Variants in RPS6KC1 observed in about 807,000 individuals in gnomAD.
The protein encoded by RPS6KC1 is inactive ribosomal protein S6 kinase delta-1.
RPS6KC1 carries 54 observed loss-of-function variants against 103.8 expected under a neutral mutation model. That is an observed-to-expected ratio of 0.52 (90% CI 0.42 to 0.65). The LOEUF is 0.65. Ranked by LOEUF, RPS6KC1 falls within the 30% of genes least tolerant of loss-of-function variation. The probability of loss-of-function intolerance (pLI) is 0.00; values close to 1 mark genes in which losing one functional copy is unlikely to be tolerated. For synonymous variants in RPS6KC1, 439 were observed against 438.7 expected, an observed-to-expected ratio of 1.00 and a Z score of -0.01; for missense variants, 1,151 against 1,253.8, an observed-to-expected ratio of 0.92 and a Z score of 1.24.
At chr1:213,836,894 A>G in the RPS6KC1 span, among the ~76,000 whole-genome samples, 1 of 152,332 alleles carries the variant, frequency 6.6e-6, no homozygotes, top group East Asian at 1.9e-4. Flanking sequence ...AACCCCAATC[A>G]GCAACCTCTT....
At chr1:213,064,246 G>A (rs1321638441) in intron 1 of RPS6KC1, among the ~76,000 whole-genome samples, 4 of 152,074 alleles carry the variant, frequency 2.6e-5, no homozygotes, top group Admixed American at 6.6e-5. Context: ...TGGTAGAGGC[G>A]GGGTTTCACC....
the RPS6KC1 span, among the ~76,000 whole-genome samples, chr1:213,813,973 C>T: frequency 0.019 from 2,959 of 152,322 alleles, 116 homozygotes; most frequent in African/African-American, 0.067. Flanking sequence ...GAAGCTGGGA[C>T]TAGAGAGACC....
the RPS6KC1 span, among the ~76,000 whole-genome samples, chr1:213,625,366 A>C: frequency 6.6e-6 from 1 of 152,210 alleles, no homozygotes; most frequent in African/African-American, 2.4e-5. Flanking sequence ...TATAAATGGT[A>C]ACATGCAGTA....
chr1:213,073,636 C>A (rs1021182979), intron 2 of RPS6KC1, among the ~76,000 whole-genome samples: 1 of 151,724 alleles, frequency 6.6e-6, no homozygotes, highest in Non-Finnish European at 1.5e-5. Context: ...CTTTTAAATC[C>A]TTTTTTAAAA....
At chr1:213,117,281 A>T in intron 4 of RPS6KC1, 36 bp from the exon 5 acceptor site, 1 of 1,231,524 alleles carries the variant, frequency 8.1e-7, no homozygotes, top group Non-Finnish European at 1.2e-6. Flanking sequence ...TTATGCTCTT[A>T]ATGCTAATGA....
chr1:213,344,547 T>A, the RPS6KC1 span, among the ~76,000 whole-genome samples: 1 of 152,214 alleles, frequency 6.6e-6, no homozygotes, highest in Non-Finnish European at 1.5e-5. Context: ...GTGCTTTTTT[T>A]TTTTGAGACA....
At chr1:213,798,774 G>A in the RPS6KC1 span, among the ~76,000 whole-genome samples, 11 of 152,192 alleles carry the variant, frequency 7.2e-5, no homozygotes, top group East Asian at 1.9e-4. Flanking sequence ...TGGGTGAAGC[G>A]TGCCTCACGT....
the RPS6KC1 span, among the ~76,000 whole-genome samples, chr1:213,649,016 G>A: frequency 7.9e-5 from 12 of 151,956 alleles, no homozygotes; most frequent in African/African-American, 2.9e-4. Context: ...ACCTACAAAC[G>A]CTCCCTTTTG....
chr1:213,072,204 C>T (rs1572344972), intron 2 of RPS6KC1, among the ~76,000 whole-genome samples: 1 of 151,718 alleles, frequency 6.6e-6, no homozygotes, highest in Admixed American at 6.6e-5. Flanking sequence ...TGTTTAGCCA[C>T]GGGTCCCACT....
chr1:213,129,403 A>G (rs995072911), intron 5 of RPS6KC1, 124 bp from the exon 6 acceptor site: 17 of 1,030,352 alleles, frequency 1.6e-5, no homozygotes, highest in Admixed American at 2.5e-5. Flanking sequence ...ACTGACTTCC[A>G]TCAGTAAATT....
chr1:213,430,854 C>T, the RPS6KC1 span, among the ~76,000 whole-genome samples: 1 of 152,202 alleles, frequency 6.6e-6, no homozygotes, highest in Admixed American at 6.5e-5. Context: ...CATTAAATGG[C>T]ACTAATTCAG....
At chr1:213,291,357 T>C in the RPS6KC1 span, among the ~76,000 whole-genome samples, 1 of 152,224 alleles carries the variant, frequency 6.6e-6, no homozygotes, top group Admixed American at 6.5e-5. Flanking sequence ...CTTCACCTGC[T>C]GCCTCTCGCA....
chr1:213,705,601 T>G, the RPS6KC1 span, among the ~76,000 whole-genome samples: 12 of 152,256 alleles, frequency 7.9e-5, no homozygotes, highest in African/African-American at 2.9e-4. Flanking sequence ...CCCGTGTGGC[T>G]GAGCTGGTAC....
chr1:213,464,823 T>C, the RPS6KC1 span, among the ~76,000 whole-genome samples: 1 of 152,038 alleles, frequency 6.6e-6, no homozygotes, highest in Non-Finnish European at 1.5e-5. Context: ...TCTGGCTGCA[T>C]ATTTTTATGG....
chr1:213,799,296 T>C, the RPS6KC1 span, among the ~76,000 whole-genome samples: 2 of 152,182 alleles, frequency 1.3e-5, no homozygotes, highest in South Asian at 2.1e-4. Flanking sequence ...TATTTCTTAA[T>C]ATTTAAAAGC....
intron 8 of RPS6KC1, among the ~76,000 whole-genome samples, chr1:213,195,714 G>A (rs2092920963): frequency 6.6e-6 from 1 of 151,960 alleles, no homozygotes; most frequent in African/African-American, 2.4e-5. Flanking sequence ...TATGATGTTT[G>A]GTTTTCTATT....
At chr1:213,541,888 G>T in the RPS6KC1 span, among the ~76,000 whole-genome samples, 1 of 152,188 alleles carries the variant, frequency 6.6e-6, no homozygotes, top group African/African-American at 2.4e-5. Flanking sequence ...AGCAAAATTT[G>T]CCAGGTGGAG....
the RPS6KC1 span, among the ~76,000 whole-genome samples, chr1:213,514,400 GC>G: frequency 8.2e-6 from 1 of 121,666 alleles, no homozygotes. Flanking sequence ...CCCACAACAG[GC>G]CCCGGTGTGT....
the RPS6KC1 span, chr1:213,818,065 T>G: frequency 2.6e-5 from 4 of 152,160 alleles, no homozygotes; most frequent in Admixed American, 2.6e-4. Flanking sequence ...TAAATAAACG[T>G]GTGTGTTCTG....
Sources: gnomAD v4.1 joint callset for allele counts (sites outside exome capture counted in the v4.1 genomes callset) on GRCh38, gnomAD v4.1.1 for gene constraint, MANE v1.5 for transcripts, NCBI Gene and HGNC (gene_info 2026-07-23, HGNC 2026-07-21) for gene names.